Variants in ENOX1 observed in about 807,000 individuals in gnomAD.
ENOX1 encodes ecto-NOX disulfide-thiol exchanger 1.
In ENOX1, 42 loss-of-function variants were observed where a neutral mutation model predicts 82.5. That is an observed-to-expected ratio of 0.51 (90% CI 0.40 to 0.66). The LOEUF (loss-of-function observed/expected upper bound fraction) is 0.66, where lower values mean the gene tolerates loss of function less well. ENOX1 is among the 30% of genes least tolerant of loss of function. ENOX1 has a pLI of 0.00. For synonymous variants in ENOX1, 271 were observed against 282.2 expected (o/e 0.96, Z 0.40); for missense variants, 608 against 811.6 (o/e 0.75, Z 3.05).
chr13:43,270,727 A>G (rs1461779604), intron 12 of ENOX1, among the ~76,000 whole-genome samples: 1 of 152,238 alleles, frequency 6.6e-6, no homozygotes, highest in African/African-American at 2.4e-5. Context: ...CTACTGTGGC[A>G]CTGGGTATAA....
intron 2 of ENOX1, among the ~76,000 whole-genome samples, chr13:43,516,796 T>G (rs2077577541): frequency 6.6e-6 from 1 of 152,142 alleles, no homozygotes; most frequent in Admixed American, 6.6e-5. Context: ...CCACCAGGGT[T>G]GTAAATTAAA....
At chr13:43,757,845 A>G (rs1950740971) in intron 1 of ENOX1, among the ~76,000 whole-genome samples, 1 of 152,192 alleles carries the variant, frequency 6.6e-6, no homozygotes, top group South Asian at 2.1e-4. Context: ...CCAGCCAAAT[A>G]AAAACCTATG....
chr13:43,532,301 C>A (rs1001833045), intron 2 of ENOX1, among the ~76,000 whole-genome samples: 1 of 151,840 alleles, frequency 6.6e-6, no homozygotes, highest in Non-Finnish European at 1.5e-5. Flanking sequence ...CAATTCTGTT[C>A]CTTTGTCACT....
At chr13:43,611,055 C>T (rs958722462) in intron 2 of ENOX1, among the ~76,000 whole-genome samples, 19 of 152,130 alleles carry the variant, frequency 1.2e-4, no homozygotes, top group Admixed American at 1.1e-3. Flanking sequence ...TCAATAATGG[C>T]AGCAACTCTT....
intron 9 of ENOX1, among the ~76,000 whole-genome samples, chr13:43,332,677 T>G (rs1370098850): frequency 1.3e-5 from 2 of 152,208 alleles, no homozygotes; most frequent in Non-Finnish European, 2.9e-5. Context: ...TCCAGGGAAT[T>G]GTAGAGCCCT....
At chr13:43,471,683 G>A (rs1198344129) in intron 3 of ENOX1, among the ~76,000 whole-genome samples, 16 of 152,028 alleles carry the variant, frequency 1.1e-4, no homozygotes, top group African/African-American at 3.1e-4. Flanking sequence ...GGTGGCAGGC[G>A]CCTGTAGTCC....
chr13:43,453,119 G>C (rs1235109261), intron 3 of ENOX1, among the ~76,000 whole-genome samples: 1 of 152,046 alleles, frequency 6.6e-6, no homozygotes, highest in Non-Finnish European at 1.5e-5. Context: ...CTCATGACAG[G>C]GTTTCCATTT....
intron 2 of ENOX1, among the ~76,000 whole-genome samples, chr13:43,529,696 G>A (rs924223575): frequency 7.2e-5 from 11 of 152,028 alleles, no homozygotes; most frequent in African/African-American, 2.7e-4. Context: ...ACTGTCCGTG[G>A]CTTTAGGCAT....
chr13:43,763,201 T>C (rs1951081523), intron 1 of ENOX1, among the ~76,000 whole-genome samples: 1 of 152,184 alleles, frequency 6.6e-6, no homozygotes, highest in Non-Finnish European at 1.5e-5. Context: ...TATCATAGAT[T>C]AGGTGGCTTA....
chr13:43,357,363 C>T (rs895079828), intron 7 of ENOX1, among the ~76,000 whole-genome samples: 1 of 152,180 alleles, frequency 6.6e-6, no homozygotes, highest in African/African-American at 2.4e-5. Flanking sequence ...TGCCACTTCA[C>T]ACCTTTGAAA....
chr13:43,288,806 G>GC (rs1555307610), intron 12 of ENOX1, among the ~76,000 whole-genome samples: 2 of 151,106 alleles, frequency 1.3e-5, no homozygotes, highest in African/African-American at 4.9e-5. Context: ...TCTATCTTTA[G>GC]TTTTTTTTTA....
At chr13:43,283,792 A>T (rs2153493386) in intron 12 of ENOX1, among the ~76,000 whole-genome samples, 1 of 151,894 alleles carries the variant, frequency 6.6e-6, no homozygotes, top group Non-Finnish European at 1.5e-5. Flanking sequence ...CCTCACTGTT[A>T]CTAGTTTTTT....
intron 14 of ENOX1, among the ~76,000 whole-genome samples, chr13:43,247,884 T>TATATA (rs1566330089): frequency 4.3e-4 from 1 of 2,312 alleles, no homozygotes; most frequent in Non-Finnish European, 1.3e-3. Flanking sequence ...TATATATATA[T>TATATA]TTTTTTTTTT....
chr13:43,425,997 C>T (rs969414908), intron 3 of ENOX1, among the ~76,000 whole-genome samples: 1 of 152,136 alleles, frequency 6.6e-6, no homozygotes, highest in Non-Finnish European at 1.5e-5. Flanking sequence ...TACTAAACAT[C>T]AGATGTGAAC....
At chr13:43,767,526 A>C (rs976882740) in intron 1 of ENOX1, among the ~76,000 whole-genome samples, 2 of 152,180 alleles carry the variant, frequency 1.3e-5, no homozygotes, top group Admixed American at 6.5e-5. Context: ...CCAAGGAGGG[A>C]AAAGTTTAGA....
Position 43,326,015 on chromosome 13 carries a change from C to T in ENOX1, c.1143+404G>A, listed in dbSNP as rs892517586. On this transcript the variant is annotated intron_variant, in intron 10 of 16. Coordinates refer to ENST00000690772, the MANE Select transcript of ENOX1 (RefSeq NM_001347969.2). ...GTTGCTTATGATAAGAAAATATGGA[C>T]GGAAAGGCGTACTTGTCCAAAGAGC... 9.2e-5 allele frequency among the ~76,000 whole-genome samples: 14 copies of T among 151,682 alleles called. No individual in the cohort carries two copies. In the South Asian group the frequency reaches 1.3e-3, roughly 14 times the overall value.
intron 8 of ENOX1, among the ~76,000 whole-genome samples, chr13:43,354,210 T>C (rs1390664091): frequency 6.6e-6 from 1 of 152,240 alleles, no homozygotes; most frequent in Non-Finnish European, 1.5e-5. Flanking sequence ...CCACTCCTTA[T>C]GGTTTCTAGG....
chr13:43,260,986 C>T (rs1417578773), intron 14 of ENOX1, among the ~76,000 whole-genome samples: 1 of 152,222 alleles, frequency 6.6e-6, no homozygotes, highest in African/African-American at 2.4e-5. Flanking sequence ...CACAAGTCCT[C>T]TTGGAGAACA....
intron 2 of ENOX1, among the ~76,000 whole-genome samples, chr13:43,560,743 T>C (rs888106629): frequency 1.9e-4 from 29 of 152,318 alleles, no homozygotes; most frequent in African/African-American, 7.0e-4. Context: ...AATAATATAT[T>C]GGTAATTGTA....
Sources: gnomAD v4.1 joint callset for allele counts (sites outside exome capture counted in the v4.1 genomes callset) on GRCh38, gnomAD v4.1.1 for gene constraint, MANE v1.5 for transcripts, NCBI Gene and HGNC (gene_info 2026-07-23, HGNC 2026-07-21) for gene names.